ATP8B4: variants seen among roughly 807,000 people sequenced by gnomAD.
ATP8B4 encodes probable phospholipid-transporting ATPase IM.
ATP8B4 carries 133 observed loss-of-function variants against 145.6 expected under a neutral mutation model. That is an observed-to-expected ratio of 0.91 (90% CI 0.79 to 1.05). ATP8B4 has a LOEUF of 1.05. ATP8B4 is among the 50% of genes least tolerant of loss of function. The pLI is 0.00. For missense variants in ATP8B4, 1,458 were observed against 1,425.2 expected (o/e 1.02, Z -0.37); for synonymous variants, 507 against 492.9 (o/e 1.03, Z -0.38).
intron 3 of ATP8B4, among the ~76,000 whole-genome samples, chr15:50,048,029 A>AT (rs921216694): frequency 1.3e-5 from 2 of 151,562 alleles, no homozygotes; most frequent in African/African-American, 4.9e-5. Context: ...TTTAATAACT[A>AT]TTTTTTTCTA....
intron 23 of ATP8B4, among the ~76,000 whole-genome samples, chr15:49,894,391 C>T (rs918331723): frequency 1.3e-5 from 2 of 152,154 alleles, no homozygotes; most frequent in African/African-American, 4.8e-5. Context: ...AAGTAGAGAG[C>T]AGTCCAGGAC....
intron 2 of ATP8B4, among the ~76,000 whole-genome samples, chr15:50,084,712 G>A (rs2054780865): frequency 6.6e-6 from 1 of 152,182 alleles, no homozygotes; most frequent in African/African-American, 2.4e-5. Flanking sequence ...TCCTTCTAGA[G>A]ATCCTAGGGA....
rs564449599 is a variant in ATP8B4, at chr15:50,170,111, G to C, written c.-43+12150C>G. Among the ~76,000 whole-genome samples the C allele has an allele frequency of 1.9e-4, 29 of 152,188 alleles. No individual in the cohort carries two copies. The South Asian group carries it at 5.8e-3, about 30-fold the overall frequency. On this transcript the variant is annotated intron_variant, in intron 1 of 3. Transcript: ENST00000558829. ...AAAAGCCTGGAAAATATATTTGGGG[G>C]AATAATTGAGGAAAACTTCCCCAGC...
intron 26 of ATP8B4, among the ~76,000 whole-genome samples, chr15:49,862,760 C>A (rs1376417920): frequency 1.3e-5 from 2 of 152,102 alleles, no homozygotes; most frequent in Non-Finnish European, 2.9e-5. Flanking sequence ...TGGCCAAGAT[C>A]TTTTTTCAAT....
intron 2 of ATP8B4, among the ~76,000 whole-genome samples, chr15:50,079,827 T>C (rs1465037688): frequency 6.6e-6 from 1 of 152,258 alleles, no homozygotes; most frequent in South Asian, 2.1e-4. Context: ...ATAAATACTA[T>C]GTGACCATGA....
rs2054414517 is a variant in ATP8B4 at position 50,079,655 on chromosome 15, A to ATAT, written c.29-5473_29-5471dup. 2.0e-5 allele frequency among the ~76,000 whole-genome samples: 3 copies of ATAT among 152,172 alleles called. No individual in the cohort carries two copies. In the South Asian group the frequency reaches 6.2e-4, roughly 32 times the overall value. On this transcript the variant is annotated intron_variant, in intron 2 of 27. Coordinates refer to ENST00000284509, the MANE Select transcript of ATP8B4 (RefSeq NM_024837.4). ...TAAGGTTTTTGTAACAACCCTAAGG[A>ATAT]TATTATCTCAGGACACAATTCAGAG...
At chr15:49,988,686 A>G (rs2046825261) in intron 9 of ATP8B4, among the ~76,000 whole-genome samples, 1 of 152,224 alleles carries the variant, frequency 6.6e-6, no homozygotes, top group African/African-American at 2.4e-5. Flanking sequence ...CTGATTAAAG[A>G]GAAAGGGGAC....
rs143895416 is a variant in ATP8B4 at position 50,007,256 on chromosome 15, A to G, written c.435+3589T>C. ...AAGTTCGAACAGCTAGAAGTTATGC[A>G]TCTGCACTGGGCACAACATATTTTC... On this transcript the variant is annotated intron_variant, in intron 7 of 27. Coordinates refer to ENST00000284509, the MANE Select transcript of ATP8B4 (RefSeq NM_024837.4). Among the ~76,000 whole-genome samples the G allele has an allele frequency of 2.4e-3, 371 of 152,328 alleles. 1 individual carries two copies. Among genetic ancestry groups the G allele is most frequent in the African/African-American group, 8.3e-3 (345 of 41,572 alleles).
At chr15:49,921,514 T>C (rs2040256215) in intron 17 of ATP8B4, among the ~76,000 whole-genome samples, 1 of 152,158 alleles carries the variant, frequency 6.6e-6, no homozygotes, top group Admixed American at 6.5e-5. Context: ...TTGGGGGAAA[T>C]GCTCAAAAAC....
chr15:50,100,770 G>A (rs540781249), intron 2 of ATP8B4, among the ~76,000 whole-genome samples: 92 of 152,262 alleles, frequency 6.0e-4, no homozygotes, highest in Non-Finnish European at 1.1e-3. Flanking sequence ...GTCAGGAAGC[G>A]AATGCAGACA....
chr15:50,127,539 A>G (rs999990925), intron 1 of ATP8B4, among the ~76,000 whole-genome samples: 3 of 152,246 alleles, frequency 2.0e-5, no homozygotes, highest in Admixed American at 6.5e-5. Context: ...AATGGATCAG[A>G]GACCAGGCAA....
chr15:50,060,748 C>T (rs7163415), intron 3 of ATP8B4, among the ~76,000 whole-genome samples: 133,644 of 152,208 alleles, frequency 0.88, 59,009 homozygotes, highest in East Asian at 0.99. Context: ...TGAATCATTT[C>T]GGTTTTTGTT....
At chr15:50,019,729 A>G (rs1174266986) in intron 6 of ATP8B4, among the ~76,000 whole-genome samples, 1 of 152,192 alleles carries the variant, frequency 6.6e-6, no homozygotes, top group Admixed American at 6.5e-5. Flanking sequence ...TCCAATGATC[A>G]GTTCTCAGTC....
At chr15:50,173,073 G>A (rs1195232276) in intron 1 of ATP8B4, among the ~76,000 whole-genome samples, 1 of 147,030 alleles carries the variant, frequency 6.8e-6, no homozygotes, top group Non-Finnish European at 1.5e-5. Context: ...CCATCCGGGA[G>A]GTGGGGGGCA....
chr15:50,085,509 C>T (rs570115004), intron 2 of ATP8B4, among the ~76,000 whole-genome samples: 18 of 151,954 alleles, frequency 1.2e-4, no homozygotes, highest in African/African-American at 3.9e-4. Context: ...CACGCAGTGC[C>T]GTAACATAAG....
chr15:49,930,134 A>G (rs1256145372), intron 16 of ATP8B4, among the ~76,000 whole-genome samples: 1 of 152,096 alleles, frequency 6.6e-6, no homozygotes, highest in Non-Finnish European at 1.5e-5. Flanking sequence ...AGAAGTGAGC[A>G]AGCAAGGAGG....
intron 1 of ATP8B4, among the ~76,000 whole-genome samples, chr15:50,169,158 G>A (rs1377702568): frequency 6.6e-6 from 1 of 152,192 alleles, no homozygotes; most frequent in African/African-American, 2.4e-5. Flanking sequence ...CCCACCACCA[G>A]TCCGTCTCCA....
intron 23 of ATP8B4, among the ~76,000 whole-genome samples, chr15:49,885,551 T>G (rs563852331): frequency 2.0e-5 from 3 of 152,356 alleles, no homozygotes; most frequent in African/African-American, 7.2e-5. Context: ...CTATAAATAC[T>G]TGTTGAATTA....
intron 20 of ATP8B4, among the ~76,000 whole-genome samples, chr15:49,913,967 G>T (rs2039484799): frequency 6.6e-6 from 1 of 151,354 alleles, no homozygotes; most frequent in East Asian, 1.9e-4. Flanking sequence ...CACAGAAATG[G>T]AAAAAAAATT....
Sources: gnomAD v4.1 joint callset for allele counts (sites outside exome capture counted in the v4.1 genomes callset) on GRCh38, gnomAD v4.1.1 for gene constraint, MANE v1.5 for transcripts, NCBI Gene and HGNC (gene_info 2026-07-23, HGNC 2026-07-21) for gene names.